MGMT: variants seen among roughly 807,000 people sequenced by gnomAD.
The protein encoded by MGMT is O-6-methylguanine-DNA methyltransferase, also known as methylated-DNA--protein-cysteine methyltransferase.
MGMT carries 14 observed loss-of-function variants against 15.9 expected under a neutral mutation model. That is an observed-to-expected ratio of 0.88 (90% CI 0.58 to 1.37). MGMT has a LOEUF of 1.37. MGMT is among the 40% of genes most tolerant of loss of function. The probability of loss-of-function intolerance (pLI) is 0.00; values close to 1 mark genes in which losing one functional copy is unlikely to be tolerated. For synonymous variants in MGMT, 130 were observed against 118.2 expected (o/e 1.10, Z -0.65); for missense variants, 282 against 268.1 (o/e 1.05, Z -0.36).
intron 2 of MGMT, among the ~76,000 whole-genome samples, chr10:129,627,502 T>C (rs778778639): frequency 6.6e-5 from 10 of 152,228 alleles, no homozygotes; most frequent in African/African-American, 9.6e-5. Context: ...GACTTTGGTG[T>C]TCCTGGTGCA....
At chr10:129,687,941 C>T (rs1489351124) in intron 2 of MGMT, among the ~76,000 whole-genome samples, 6 of 151,808 alleles carry the variant, frequency 4.0e-5, no homozygotes, top group Middle Eastern at 3.4e-3. Flanking sequence ...AGTGAGAACA[C>T]ATGGTGTTTG....
intron 1 of MGMT, among the ~76,000 whole-genome samples, chr10:129,482,064 G>T (rs192376809): frequency 7.9e-5 from 12 of 152,118 alleles, no homozygotes; most frequent in African/African-American, 1.2e-4. Context: ...TCTAAGCACT[G>T]CTTTAGGTGT....
At chr10:129,476,028 G>A (rs1247841622) in intron 1 of MGMT, among the ~76,000 whole-genome samples, 1 of 152,200 alleles carries the variant, frequency 6.6e-6, no homozygotes, top group Admixed American at 6.5e-5. Flanking sequence ...GGGGTGGGTG[G>A]TCCCTGCCTC....
chr10:129,734,706 A>G (rs1848540431), intron 3 of MGMT, among the ~76,000 whole-genome samples: 1 of 152,088 alleles, frequency 6.6e-6, no homozygotes, highest in Admixed American at 6.6e-5. Context: ...TTTGTCATAG[A>G]TAGCACTTAT....
chr10:129,477,085 G>A (rs1845304020), intron 1 of MGMT, among the ~76,000 whole-genome samples: 1 of 152,110 alleles, frequency 6.6e-6, no homozygotes, highest in Non-Finnish European at 1.5e-5. Flanking sequence ...CTGAGGTTGG[G>A]TGAGTGGGGG....
chr10:129,597,490 A>C (rs1846764904), intron 2 of MGMT, among the ~76,000 whole-genome samples: 1 of 152,198 alleles, frequency 6.6e-6, no homozygotes, highest in African/African-American at 2.4e-5. Flanking sequence ...AAAAACAAAA[A>C]AAAAGACAAG....
In MGMT at chr10:129,659,336, G is replaced by A. The variant is rs1847568711; in HGVS notation, c.126-48559G>A. ...CGCACCACTGCGCTCCAGCCTGGGT[G>A]GCAGAGCGAGACTCCCTGTGTGGAA... On this transcript the variant is annotated intron_variant, in intron 2 of 4. Transcript: ENST00000651593. The surrounding 1 kb of genome is among the most constrained non-coding windows in gnomAD (Gnocchi z 4.1). Among the ~76,000 whole-genome samples the A allele has an allele frequency of 6.6e-6, 1 of 151,132 alleles. No homozygotes were observed. The highest frequency in any genetic ancestry group is 2.5e-5 in the African/African-American group (1 of 40,558).
At chr10:129,714,209 C>T (rs1848267201) in intron 3 of MGMT, among the ~76,000 whole-genome samples, 1 of 152,224 alleles carries the variant, frequency 6.6e-6, no homozygotes, top group African/African-American at 2.4e-5. Flanking sequence ...CCAGTAACAG[C>T]GAAGCACACC....
chr10:129,552,525 T>G (rs1186333791), intron 2 of MGMT, among the ~76,000 whole-genome samples: 1 of 152,242 alleles, frequency 6.6e-6, no homozygotes, highest in African/African-American at 2.4e-5. Context: ...CACGTGAGTG[T>G]GTGATTTCTC....
intron 3 of MGMT, among the ~76,000 whole-genome samples, chr10:129,742,370 T>G (rs1848644358): frequency 6.6e-6 from 1 of 152,252 alleles, no homozygotes; most frequent in Non-Finnish European, 1.5e-5. Context: ...AGCACTGGGA[T>G]GGAGTCCCAC....
intron 2 of MGMT, among the ~76,000 whole-genome samples, chr10:129,657,703 ACACGCACACACACACACACACACACC>A (rs951554745): frequency 4.0e-5 from 5 of 124,612 alleles, no homozygotes; most frequent in Admixed American, 7.5e-5. Context: ...ACACACACAC[ACACGCACACACACACACACACACACC>A]CCCTCTCCCC....
At chr10:129,612,823 T>C (rs552430742) in intron 2 of MGMT, among the ~76,000 whole-genome samples, 35 of 152,200 alleles carry the variant, frequency 2.3e-4, no homozygotes, top group Non-Finnish European at 4.6e-4. Flanking sequence ...AAGAGGTATT[T>C]TTATTTCTTT....
At chr10:129,478,190 C>T (rs1845316608) in intron 1 of MGMT, among the ~76,000 whole-genome samples, 1 of 150,330 alleles carries the variant, frequency 6.7e-6, no homozygotes, top group Non-Finnish European at 1.5e-5. Flanking sequence ...TTTTTAAAAC[C>T]AGTCTCTACA....
At chr10:129,694,805 G>A (rs1026522106) in intron 2 of MGMT, among the ~76,000 whole-genome samples, 4 of 152,124 alleles carry the variant, frequency 2.6e-5, no homozygotes, top group African/African-American at 4.8e-5. Flanking sequence ...AAAGGGAGGG[G>A]GACAGCATCT....
intron 1 of MGMT, among the ~76,000 whole-genome samples, chr10:129,488,095 A>G (rs1234957159): frequency 6.6e-6 from 1 of 151,690 alleles, no homozygotes; most frequent in Non-Finnish European, 1.5e-5. Flanking sequence ...TCACTGTCAG[A>G]TGGTTAAGTT....
intron 2 of MGMT, among the ~76,000 whole-genome samples, chr10:129,638,441 A>AAAAAAAAAAAAAAAAAAAAAAAAC (rs1847288625): frequency 1.6e-5 from 2 of 121,460 alleles, no homozygotes; most frequent in African/African-American, 5.7e-5. Context: ...AAAAAAAAAA[A>AAAAAAAAAAAAAAAAAAAAAAAAC]AAAAGAAAAA....
At position 129,582,177 on chromosome 10, in the gene MGMT, C is replaced by T. The variant is rs549585169; in HGVS notation, c.125+45800C>T. On this transcript the variant is annotated intron_variant, in intron 2 of 4. Transcript: ENST00000651593. ...TTCCAGGGTGGTGGGAAGCAGCCTC[C>T]CTTAGCCCGGCTACGTCTCATGAAT... Among the ~76,000 whole-genome samples the T allele has an allele frequency of 2.2e-4, 34 of 152,334 alleles. No homozygotes were observed. In the South Asian group the frequency reaches 5.8e-3, roughly 26 times the overall value.
At chr10:129,544,405 C>T (rs1248258479) in intron 2 of MGMT, among the ~76,000 whole-genome samples, 1 of 152,262 alleles carries the variant, frequency 6.6e-6, no homozygotes, top group Non-Finnish European at 1.5e-5. Context: ...GCGGCTTTCA[C>T]CCTCAGGAAG....
intron 2 of MGMT, among the ~76,000 whole-genome samples, chr10:129,567,354 AC>A (rs561509740): frequency 2.0e-5 from 3 of 151,678 alleles, no homozygotes; most frequent in East Asian, 3.9e-4. Context: ...AGCAGGACAG[AC>A]CCCCCCAGAG....
Sources: allele counts gnomAD v4.1 joint callset (sites outside exome capture counted in the v4.1 genomes callset), GRCh38; gene constraint gnomAD v4.1.1; non-coding constraint Gnocchi (gnomAD v3.1); transcripts MANE v1.5; gene names NCBI Gene and HGNC (gene_info 2026-07-23, HGNC 2026-07-21).